KCNMA1: variants seen among roughly 807,000 people sequenced by gnomAD.
The protein encoded by KCNMA1 is Calcium-activated potassium channel subunit alpha-1.
In KCNMA1, 29 loss-of-function variants were observed where a neutral mutation model predicts 140.0. That is an observed-to-expected ratio of 0.21 (90% CI 0.15 to 0.28). The LOEUF is 0.28. Among genes scored for constraint, KCNMA1 ranks in the 10% least tolerant of loss-of-function variants. The pLI, the probability that KCNMA1 is intolerant of heterozygous loss-of-function variation, is 1.00. For synonymous variants in KCNMA1, 612 were observed against 611.9 expected, an observed-to-expected ratio of 1.00 and a Z score of 0.00; for missense variants, 880 against 1,602.2, an observed-to-expected ratio of 0.55 and a Z score of 7.70.
At chr10:77,344,456 G>C (rs1013203836) in intron 2 of KCNMA1, among the ~76,000 whole-genome samples, 18 of 152,264 alleles carry the variant, frequency 1.2e-4, no homozygotes, top group Admixed American at 1.1e-3. Context: ...GAGACATACT[G>C]ATTCACTACC....
chr10:76,910,146 T>C (rs767897731), intron 24 of KCNMA1, 50 bp from the exon 25 acceptor site: 8 of 1,606,728 alleles, frequency 5.0e-6, no homozygotes, highest in Middle Eastern at 1.7e-4. Context: ...CACACAGGCA[T>C]TGAAGCCAGA....
intron 14 of KCNMA1, among the ~76,000 whole-genome samples, chr10:77,051,025 T>C (rs368969409): frequency 2.6e-5 from 4 of 152,198 alleles, no homozygotes; most frequent in African/African-American, 4.8e-5. Context: ...TGAATCTCCA[T>C]TGGAATGTGG....
At chr10:77,143,507 G>A (rs963160356) in intron 5 of KCNMA1, among the ~76,000 whole-genome samples, 38 of 152,028 alleles carry the variant, frequency 2.5e-4, no homozygotes, top group Admixed American at 1.6e-3. Flanking sequence ...TAAAGTCATC[G>A]CCACAAATGG....
intron 6 of KCNMA1, among the ~76,000 whole-genome samples, chr10:77,112,646 T>C (rs2097353020): frequency 6.6e-6 from 1 of 152,202 alleles, no homozygotes; most frequent in Non-Finnish European, 1.5e-5. Flanking sequence ...CAAATTTAAC[T>C]TTGGTAAAAA....
chr10:77,465,801 T>C (rs562174345), intron 1 of KCNMA1, among the ~76,000 whole-genome samples: 2 of 152,280 alleles, frequency 1.3e-5, no homozygotes, highest in Non-Finnish European at 2.9e-5. Flanking sequence ...CCCAATTCCA[T>C]CCTTCAGCCC....
At chr10:77,209,334 C>T (rs746929102) in intron 3 of KCNMA1, among the ~76,000 whole-genome samples, 1 of 152,178 alleles carries the variant, frequency 6.6e-6, no homozygotes, top group Non-Finnish European at 1.5e-5. Flanking sequence ...ATCAAAGCTA[C>T]CCAATAACCT....
intron 2 of KCNMA1, among the ~76,000 whole-genome samples, chr10:77,387,503 G>T (rs1156330672): frequency 1.3e-5 from 2 of 149,936 alleles, no homozygotes; most frequent in African/African-American, 5.0e-5. Context: ...CTCATGGCAG[G>T]CATCATTAGT....
At chr10:77,557,910 C>T (rs1342761909) in intron 1 of KCNMA1, among the ~76,000 whole-genome samples, 1 of 152,040 alleles carries the variant, frequency 6.6e-6, no homozygotes, top group African/African-American at 2.4e-5. Flanking sequence ...TCGGGCTCCC[C>T]TCTTTACACC....
At chr10:77,584,879 C>T (rs569232885) in intron 1 of KCNMA1, among the ~76,000 whole-genome samples, 66 of 152,326 alleles carry the variant, frequency 4.3e-4, no homozygotes, top group African/African-American at 1.1e-3. Context: ...TTCCACAGCA[C>T]GCTGTTCCAG....
In KCNMA1 at chr10:77,072,130, A is replaced by C. The variant is rs556291262; in HGVS notation, c.1749+967T>G. 5.3e-5 allele frequency among the ~76,000 whole-genome samples: 8 copies of C among 152,306 alleles called. No individual in the cohort carries two copies. The South Asian group carries it at 1.7e-3, about 32-fold the overall frequency. On this transcript the variant is annotated intron_variant, in intron 14 of 27. Coordinates refer to ENST00000286628, the MANE Select transcript of KCNMA1 (RefSeq NM_001161352.2). Reference sequence around the variant, plus strand: ...GTGCTGACTCATGAACTTTCTAAGGATGTAATTTCCCACCTTGCCAGCTAT... The same window carrying C: ...GTGCTGACTCATGAACTTTCTAAGGCTGTAATTTCCCACCTTGCCAGCTAT...
At chr10:77,600,455 C>A (rs2082258920) in intron 1 of KCNMA1, among the ~76,000 whole-genome samples, 1 of 152,134 alleles carries the variant, frequency 6.6e-6, no homozygotes, top group Non-Finnish European at 1.5e-5. Flanking sequence ...TGCTACAAAA[C>A]ACACACACAG....
At chr10:76,897,011 TACACACACAC>T (rs3067677) in intron 25 of KCNMA1, among the ~76,000 whole-genome samples, 31 of 142,816 alleles carry the variant, frequency 2.2e-4, no homozygotes, top group African/African-American at 7.6e-4. Flanking sequence ...AGGTGAAAAT[TACACACACAC>T]ACACACACAC....
At chr10:77,251,312 G>GT in intron 2 of KCNMA1, 56 bp from the exon 3 acceptor site, 1 of 1,401,136 alleles carries the variant, frequency 7.1e-7, no homozygotes, top group South Asian at 1.2e-5. Flanking sequence ...GGATGTTTGG[G>GT]TTTTTTGACA....
chr10:77,430,393 C>T (rs975019114), intron 1 of KCNMA1, among the ~76,000 whole-genome samples: 1 of 152,200 alleles, frequency 6.6e-6, no homozygotes, highest in African/African-American at 2.4e-5. Flanking sequence ...ACTCTCCTGC[C>T]TTTAAATACT....
intron 2 of KCNMA1, among the ~76,000 whole-genome samples, chr10:77,294,862 T>C (rs535547875): frequency 7.8e-4 from 118 of 152,130 alleles, no homozygotes; most frequent in African/African-American, 2.7e-3. Context: ...GAGGTTGCAG[T>C]CAGCCGAGAT....
chr10:77,581,499 G>A (rs1371818127), intron 1 of KCNMA1, among the ~76,000 whole-genome samples: 1 of 152,110 alleles, frequency 6.6e-6, no homozygotes, highest in African/African-American at 2.4e-5. Flanking sequence ...TAGAGATGGG[G>A]TTTCACCGTG....
At chr10:76,901,906 A>C (rs2045603221) in intron 25 of KCNMA1, 1 of 152,260 alleles carries the variant, frequency 6.6e-6, no homozygotes, top group African/African-American at 2.4e-5. Context: ...ATACCCCAAT[A>C]TTCGGATGCA....
chr10:77,168,750 G>A (rs1039334604), intron 5 of KCNMA1, among the ~76,000 whole-genome samples: 5 of 152,084 alleles, frequency 3.3e-5, no homozygotes, highest in African/African-American at 9.7e-5. Flanking sequence ...TCATGTTCAG[G>A]TCATCAAAAT....
At chr10:76,974,699 G>A (rs1283452207) in intron 19 of KCNMA1, 3 of 665,286 alleles carry the variant, frequency 4.5e-6, no homozygotes, top group East Asian at 5.5e-5. Context: ...CCTCACAGCT[G>A]AATTGCCATT....
Sources: allele counts gnomAD v4.1 joint callset (sites outside exome capture counted in the v4.1 genomes callset), GRCh38; gene constraint gnomAD v4.1.1; transcripts MANE v1.5; gene names NCBI Gene and HGNC (gene_info 2026-07-23, HGNC 2026-07-21).